The following PPP1R9B variants were observed in gnomAD, a reference collection of about 807,000 sequenced individuals.
PPP1R9B encodes protein phosphatase 1 regulatory subunit 9B.
In PPP1R9B, 17 loss-of-function variants were observed where a neutral mutation model predicts 75.8. That is an observed-to-expected ratio of 0.22 (90% confidence interval 0.15 to 0.34). The LOEUF is 0.34. Among genes scored for constraint, PPP1R9B ranks in the 10% least tolerant of loss-of-function variants. The pLI, the probability that PPP1R9B is intolerant of heterozygous loss-of-function variation, is 1.00. For synonymous variants in PPP1R9B, 509 were observed against 535.4 expected (o/e 0.95, Z 0.68); for missense variants, 875 against 1,196.0 (o/e 0.73, Z 3.96).
chr17:50,149,323 G>A lies in PPP1R9B; in HGVS notation c.1191C>T (p.Ala397=). 1 of 1,613,436 alleles carries A rather than the reference G, an allele frequency of 6.2e-7. No homozygotes were observed. The highest frequency in any genetic ancestry group is 8.5e-7 in the Non-Finnish European group (1 of 1,179,780). ...CAGAGTCCTCCCCGAGCCCACTGTA[G>A]GCGCTCACGTCCACCAAGTCCGCCT... The part of the protein sequence containing the change: ...FSEADLVDVS[A]YSGLGEDSAG... The change falls in exon 1 of 10, where the codon GCC becomes GCT. Residue 397 remains alanine, a synonymous_variant. Coordinates refer to ENST00000612501, the MANE Select transcript of PPP1R9B (RefSeq NM_032595.5). This position sits in a 1 kb window ranked among gnomAD's most constrained non-coding sequence, Gnocchi z 7.2.
In PPP1R9B at chr17:50,150,284, C is replaced by A; in HGVS notation, c.230G>T (p.Gly77Val). ...CCGTGGGGCCTCGGCCAGGCCCGCG[C>A]CGCCGCCCGCCTCGCCCGAGGGCCC... ...TAGPSGEAGG[G>V]AGLAEAPRAS... Residue 77 changes from glycine to valine, a missense_variant, in exon 1 of 10, where the codon GGC becomes GTC. Gly to Val is a moderately radical substitution (Grantham distance 109). Around this residue, in one of 4 missense-constraint regions of PPP1R9B, gnomAD observed 145 missense variants for 226.1 expected, o/e 0.64. Coordinates refer to ENST00000612501, the MANE Select transcript of PPP1R9B (RefSeq NM_032595.5). This position sits in a 1 kb window ranked among gnomAD's most constrained non-coding sequence, Gnocchi z 8.7. 7.0e-7 allele frequency: 1 copy of A among 1,419,284 alleles called. No homozygotes were observed. The highest frequency in any genetic ancestry group is 9.2e-7 in the Non-Finnish European group (1 of 1,084,178). 87.9% of individuals were successfully genotyped at this position (1,419,284 alleles called of 1,614,324 possible). A position where few individuals can be genotyped will look rare whatever the true frequency, so the allele number is the denominator to read the frequency against.
chr17:50,143,018 T>C (rs1912425939), intron 3 of PPP1R9B, among the ~76,000 whole-genome samples: 1 of 152,190 alleles, frequency 6.6e-6, no homozygotes, highest in Admixed American at 6.5e-5. Context: ...AGCTCTCAGC[T>C]CCAGCACTGC....
At chr17:50,146,148 T>C (rs8073078) in intron 1 of PPP1R9B, 21 of 152,510 alleles carry the variant, frequency 1.4e-4, no homozygotes, top group Admixed American at 1.2e-3. Flanking sequence ...CTCTCTCCAA[T>C]GTCTCTCAGC....
chr17:50,142,188 T>C lies in PPP1R9B; in HGVS notation c.1626-815A>G, dbSNP rs906142748. On this transcript the variant is annotated intron_variant, in intron 3 of 9. Transcript: ENST00000612501. This position sits in a 1 kb window ranked among gnomAD's most constrained non-coding sequence, Gnocchi z 4.1. Reference sequence around the variant, plus strand: ...GTTCTCCATACAAGGGGAGGTTCAGTCTGGCCTGCTGAGGGAGATGGAGGG... The same window carrying C: ...GTTCTCCATACAAGGGGAGGTTCAGCCTGGCCTGCTGAGGGAGATGGAGGG... Among the ~76,000 whole-genome samples, 2 of 152,098 alleles carry C rather than the reference T, an allele frequency of 1.3e-5. No individual in the cohort carries two copies. The highest frequency in any genetic ancestry group is 4.8e-5 in the African/African-American group (2 of 41,408).
Position 50,149,560 on chromosome 17 carries a change from C to T in PPP1R9B, c.954G>A (p.Val318=). ...ESEAESAPGE[V]IQAEVTVHAA... ...CGTGGACCGTAACCTCGGCCTGGAT[C>T]ACCTCCCCGGGCGCCGACTCGGCCT... The change falls in exon 1 of 10, where the codon GTG becomes GTA. Residue 318 remains valine, a synonymous_variant. Transcript: ENST00000612501. This position sits in a 1 kb window ranked among gnomAD's most constrained non-coding sequence, Gnocchi z 7.2. 1.3e-6 allele frequency: 2 copies of T among 1,586,998 alleles called. No homozygotes were observed. The highest frequency in any genetic ancestry group is 8.5e-7 in the Non-Finnish European group (1 of 1,169,756).
chr17:50,146,946 C>T (rs1175459437), intron 1 of PPP1R9B, among the ~76,000 whole-genome samples: 3 of 152,150 alleles, frequency 2.0e-5, no homozygotes, highest in African/African-American at 7.2e-5. Context: ...GCACTGGAGT[C>T]CCCTGACTCT....
intron 3 of PPP1R9B, 92 bp downstream of exon 3, chr17:50,143,506 C>T: frequency 6.7e-7 from 1 of 1,487,254 alleles, no homozygotes; most frequent in South Asian, 1.2e-5. Flanking sequence ...CCAGGGAAGG[C>T]CCGCCCCACC....
chr17:50,140,708 G>A (rs745334646), intron 4 of PPP1R9B, among the ~76,000 whole-genome samples: 16 of 152,292 alleles, frequency 1.1e-4, no homozygotes, highest in Middle Eastern at 6.8e-3. Flanking sequence ...CCCTCCTCCC[G>A]GTGGCCACCC....
chr17:50,149,230 C>G lies in PPP1R9B; in HGVS notation c.1284G>C (p.Glu428Asp). Residue 428 changes from glutamate to aspartate, a missense_variant, in exon 1 of 10, where the codon GAG (glutamate) becomes GAC (aspartate). Physicochemically the swap from Glu to Asp is conservative, Grantham distance 45. Coordinates refer to ENST00000612501, the MANE Select transcript of PPP1R9B (RefSeq NM_032595.5). This position sits in a 1 kb window ranked among gnomAD's most constrained non-coding sequence, Gnocchi z 7.2. Reference sequence around the variant, plus strand: ...GCCCCGGGATCTCCACGCACCCCGACTCGGGCTCGTAGGGGGGCTCCCCAT... The same window carrying G: ...GCCCCGGGATCTCCACGCACCCCGAGTCGGGCTCGTAGGGGGGCTCCCCAT... ...EEDGEPPYEP[E>D]SGCVEIPGLS... 1 of 1,611,040 alleles carries G rather than the reference C, an allele frequency of 6.2e-7. No homozygotes were observed. Among genetic ancestry groups the G allele is most frequent in the Non-Finnish European group, 8.5e-7 (1 of 1,178,860 alleles).
rs1290409052 is a variant in PPP1R9B, at chr17:50,140,327, G to A, written c.1731-99C>T. 3.5e-6 allele frequency: 5 copies of A among 1,440,028 alleles called. No homozygotes were observed. The East Asian group carries it at 1.0e-4, about 29-fold the overall frequency. 89.2% of individuals were successfully genotyped at this position (1,440,028 alleles called of 1,614,324 possible). A position where few individuals can be genotyped will look rare whatever the true frequency, so the allele number is the denominator to read the frequency against. ...CCCTCTCCAAACTCAGGCCCTCCCA[G>A]GGGAGGAGAGATGAGAGGGCTGAGT... On this transcript the variant is annotated intron_variant, in intron 4 of 9. Coordinates refer to ENST00000612501, the MANE Select transcript of PPP1R9B (RefSeq NM_032595.5).
chr17:50,137,155 C>T (rs1912252609), intron 7 of PPP1R9B: 1 of 152,314 alleles, frequency 6.6e-6, no homozygotes, highest in Non-Finnish European at 1.5e-5. Context: ...CTCTAGCTCA[C>T]CCTTCAGCTC....
chr17:50,149,251 C>T lies in PPP1R9B; in HGVS notation c.1263G>A (p.Gly421=), dbSNP rs1567730938. The change falls in exon 1 of 10, where the codon GGG becomes GGA. Residue 421 remains glycine, a synonymous_variant. Transcript: ENST00000612501. The surrounding 1 kb of genome is among the most constrained non-coding windows in gnomAD (Gnocchi z 7.2). The stretch of plus-strand genomic sequence containing the variant: ...CCGACTCGGGCTCGTAGGGGGGCTC[C>T]CCATCCTCCTCGTCGTCTTCGTCGT... The part of the protein sequence containing the change: ...EEDDEDDEED[G]EPPYEPESGC... 2 of 1,612,720 alleles carry T rather than the reference C, an allele frequency of 1.2e-6. No individual in the cohort carries two copies. Among genetic ancestry groups the T allele is most frequent in the Admixed American group, 1.7e-5 (1 of 59,982 alleles).
chr17:50,135,525 C>T, intron 9 of PPP1R9B, 28 bp downstream of exon 9: 1 of 1,601,898 alleles, frequency 6.2e-7, no homozygotes, highest in Non-Finnish European at 8.5e-7. Context: ...CTCCACTGGG[C>T]CCTGCCCACA....
Position 50,139,332 on chromosome 17 carries a change from G to A in PPP1R9B, c.2020-16C>T, listed in dbSNP as rs745483040. On this transcript the variant is annotated splice_polypyrimidine_tract_variant and intron_variant, in intron 6 of 9. Transcript: ENST00000612501. The surrounding 1 kb of genome is among the most constrained non-coding windows in gnomAD (Gnocchi z 5.0). ...TGATCTGGAGCTGTTGGGCAGAGGG[G>A]CAGGCACTCAGCTCCAGCAGGGTGG... 1 of 1,614,016 alleles carries A rather than the reference G, an allele frequency of 6.2e-7. No individual in the cohort carries two copies. The highest frequency in any genetic ancestry group is 1.1e-5 in the South Asian group (1 of 91,086).
intron 1 of PPP1R9B, among the ~76,000 whole-genome samples, chr17:50,147,055 C>T (rs560935917): frequency 1.2e-4 from 19 of 152,202 alleles, no homozygotes; most frequent in Admixed American, 1.0e-3. Flanking sequence ...CACACACGCC[C>T]GCTGTGACCT....
At chr17:50,145,064 C>A (rs748894039) in intron 2 of PPP1R9B, 49 bp downstream of exon 2, 14 of 1,600,460 alleles carry the variant, frequency 8.7e-6, no homozygotes, top group South Asian at 2.2e-5. Flanking sequence ...AGATGAGACC[C>A]GGGTCAACCC....
At chr17:50,148,604 G>T (rs769249631) in intron 1 of PPP1R9B, among the ~76,000 whole-genome samples, 45 of 152,222 alleles carry the variant, frequency 3.0e-4, no homozygotes, top group Non-Finnish European at 5.7e-4. Context: ...TGGGGTGGGG[G>T]TACAAACAGA....
chr17:50,138,460 G>C (rs547309733), intron 7 of PPP1R9B, among the ~76,000 whole-genome samples: 2 of 151,908 alleles, frequency 1.3e-5, no homozygotes, highest in South Asian at 4.2e-4. Flanking sequence ...GGGTCTGTGG[G>C]TACTATGTGC....
chr17:50,147,243 G>A (rs1439181465), intron 1 of PPP1R9B, among the ~76,000 whole-genome samples: 2 of 152,236 alleles, frequency 1.3e-5, no homozygotes, highest in Admixed American at 1.3e-4. Flanking sequence ...GTCTAGCAGA[G>A]GGCCCTAGGG....
Sources: gnomAD v4.1 joint callset for allele counts (sites outside exome capture counted in the v4.1 genomes callset) on GRCh38, gnomAD v4.1.1 for gene constraint, gnomAD v4.1.1 regional missense constraint, Gnocchi (gnomAD v3.1) non-coding constraint, MANE v1.5 for transcripts, NCBI Gene and HGNC (gene_info 2026-07-23, HGNC 2026-07-21) for gene names.